Variants in CCDC60 observed in about 807,000 individuals in gnomAD.
CCDC60 encodes coiled-coil domain-containing protein 60.
CCDC60 carries 54 observed loss-of-function variants against 63.5 expected under a neutral mutation model. That is an observed-to-expected ratio of 0.85 (90% CI 0.68 to 1.07). The LOEUF (loss-of-function observed/expected upper bound fraction) is 1.07, where lower values mean the gene tolerates loss of function less well. CCDC60 is among the 50% of genes least tolerant of loss of function. CCDC60 has a pLI of 0.00. For synonymous variants in CCDC60, 206 were observed against 238.8 expected, an observed-to-expected ratio of 0.86 and a Z score of 1.27; for missense variants, 651 against 684.3, an observed-to-expected ratio of 0.95 and a Z score of 0.54.
chr12:119,428,872 C>T, intron 2 of CCDC60, 110 bp downstream of exon 2: 1 of 682,516 alleles, frequency 1.5e-6, no homozygotes, highest in Non-Finnish European at 2.6e-6. Flanking sequence ...CAATTCTGAA[C>T]ACTAAGCAGA....
At chr12:119,349,440 G>C (rs1023926420) in intron 1 of CCDC60, among the ~76,000 whole-genome samples, 2 of 149,964 alleles carry the variant, frequency 1.3e-5, no homozygotes, top group African/African-American at 4.9e-5. Context: ...CTGCCTCCCA[G>C]ATTCAAGCAA....
At chr12:119,389,625 T>C (rs768487247) in intron 1 of CCDC60, among the ~76,000 whole-genome samples, 18 of 152,078 alleles carry the variant, frequency 1.2e-4, no homozygotes, top group South Asian at 2.1e-4. Flanking sequence ...AGCTGTAACA[T>C]ACTAGACAGG....
chr12:119,367,861 G>C (rs561726212), intron 1 of CCDC60, among the ~76,000 whole-genome samples: 1 of 151,578 alleles, frequency 6.6e-6, no homozygotes, highest in South Asian at 2.1e-4. Flanking sequence ...GTTTCCAGGG[G>C]CTCAGAAGCC....
intron 1 of CCDC60, among the ~76,000 whole-genome samples, chr12:119,366,813 G>A (rs1955845149): frequency 6.6e-6 from 1 of 152,110 alleles, no homozygotes; most frequent in Non-Finnish European, 1.5e-5. Flanking sequence ...AGTAAGAACA[G>A]AAGGAACAGA....
intron 1 of CCDC60, among the ~76,000 whole-genome samples, chr12:119,371,802 A>G (rs12426880): frequency 0.057 from 8,687 of 152,252 alleles, 305 homozygotes; most frequent in Non-Finnish European, 0.071. Context: ...CTGGCCAGGA[A>G]TTCCCCTCCC....
chr12:119,482,098 A>ATGGATGAGTAGTATTCCAT (rs1225995396), intron 4 of CCDC60, among the ~76,000 whole-genome samples: 3 of 145,228 alleles, frequency 2.1e-5, no homozygotes, highest in African/African-American at 5.1e-5. Context: ...ATATATATAT[A>ATGGATGAGTAGTATTCCAT]CACATATATA....
At chr12:119,527,666 C>CTTTTTTTTTTTTTTTTT (rs869099213) in intron 11 of CCDC60, among the ~76,000 whole-genome samples, 100 of 84,986 alleles carry the variant, frequency 1.2e-3, no homozygotes, top group Middle Eastern at 0.01. Context: ...TTCTTTCTTT[C>CTTTTTTTTTTTTTTTTT]TTTTTTTTTT....
chr12:119,350,517 G>A (rs896272502), intron 1 of CCDC60, among the ~76,000 whole-genome samples: 10 of 152,130 alleles, frequency 6.6e-5, no homozygotes, highest in Admixed American at 6.5e-4. Context: ...ACAGATGTGA[G>A]CCACCATGCC....
At chr12:119,507,459 TACAC>T in intron 7 of CCDC60, among the ~76,000 whole-genome samples, 1 of 146,234 alleles carries the variant, frequency 6.8e-6, no homozygotes, top group East Asian at 2.0e-4. Flanking sequence ...TATACATATA[TACAC>T]ATACATATAT....
chr12:119,492,855 A>T (rs1174606517), intron 5 of CCDC60, among the ~76,000 whole-genome samples: 1 of 152,238 alleles, frequency 6.6e-6, no homozygotes, highest in Non-Finnish European at 1.5e-5. Context: ...AATAACAGCT[A>T]TAAAATGTAA....
At chr12:119,409,228 A>G (rs1202590384) in intron 1 of CCDC60, among the ~76,000 whole-genome samples, 2 of 152,180 alleles carry the variant, frequency 1.3e-5, no homozygotes, top group Non-Finnish European at 2.9e-5. Context: ...ATCTCCAGGC[A>G]AAATAAAAAC....
chr12:119,436,684 G>A (rs554888306), intron 2 of CCDC60, among the ~76,000 whole-genome samples: 1 of 152,048 alleles, frequency 6.6e-6, no homozygotes, highest in East Asian at 1.9e-4. Flanking sequence ...GATTACAGGT[G>A]TGCACCACCT....
chr12:119,382,820 G>A (rs1284390964), intron 1 of CCDC60, among the ~76,000 whole-genome samples: 1 of 152,088 alleles, frequency 6.6e-6, no homozygotes, highest in African/African-American at 2.4e-5. Flanking sequence ...AAACATGCCG[G>A]GCCACCAAGC....
intron 4 of CCDC60, among the ~76,000 whole-genome samples, chr12:119,482,349 T>TATC (rs1951347832): frequency 6.6e-6 from 1 of 151,988 alleles, no homozygotes; most frequent in African/African-American, 2.4e-5. Context: ...TTATTATTAT[T>TATC]ATCACAGTGG....
At chr12:119,491,923 G>A (rs188328193) in intron 5 of CCDC60, among the ~76,000 whole-genome samples, 1 of 152,122 alleles carries the variant, frequency 6.6e-6, no homozygotes, top group South Asian at 2.1e-4. Flanking sequence ...CTTTCCTTTG[G>A]TTGGTTTTAG....
At chr12:119,374,011 C>T (rs1400729138) in intron 1 of CCDC60, among the ~76,000 whole-genome samples, 1 of 150,870 alleles carries the variant, frequency 6.6e-6, no homozygotes, top group Non-Finnish European at 1.5e-5. Flanking sequence ...CTGCTCCTGA[C>T]AGAACACCAG....
chr12:119,528,776 T>A (rs1362133448), intron 12 of CCDC60, 30 bp downstream of exon 12: 2 of 1,604,572 alleles, frequency 1.2e-6, no homozygotes, highest in African/African-American at 2.7e-5. Flanking sequence ...GATAAGATGG[T>A]CCCTGGAAGA....
chr12:119,343,660 CTATATATATA>C (rs60934414), intron 1 of CCDC60, among the ~76,000 whole-genome samples: 1 of 141,122 alleles, frequency 7.1e-6, no homozygotes, highest in Non-Finnish European at 1.5e-5. Flanking sequence ...GAAAGGCAAA[CTATATATATA>C]TATATATATA....
chr12:119,378,066 G>A (rs964439259), intron 1 of CCDC60, among the ~76,000 whole-genome samples: 5 of 152,200 alleles, frequency 3.3e-5, no homozygotes, highest in African/African-American at 7.2e-5. Flanking sequence ...TTGAGGAGGC[G>A]GTGTCTGATT....
Sources: gnomAD v4.1 joint callset for allele counts (sites outside exome capture counted in the v4.1 genomes callset) on GRCh38, gnomAD v4.1.1 for gene constraint, MANE v1.5 for transcripts, NCBI Gene and HGNC (gene_info 2026-07-23, HGNC 2026-07-21) for gene names.